PEAK3: variants seen among roughly 807,000 people sequenced by gnomAD.
PEAK3 encodes the protein PEAK family member 3, also known as protein PEAK3.
Under a neutral mutation model 13.3 loss-of-function variants are expected in PEAK3, and 15 were observed. The ratio of observed to expected loss-of-function variants is 1.13; its 90% CI spans 0.75 to 1.73. The LOEUF is 1.73. Ranked by LOEUF, PEAK3 falls within the 40% of genes most tolerant of loss-of-function variation. The pLI is 0.00. For missense variants in PEAK3, 739 were observed against 690.2 expected, an observed-to-expected ratio of 1.07 and a Z score of -0.79; for synonymous variants, 347 against 341.9, an observed-to-expected ratio of 1.01 and a Z score of -0.17.
At chr19:2,277,926 C>T (rs1325117556) in intron 3 of PEAK3, among the ~76,000 whole-genome samples, 3 of 149,468 alleles carry the variant, frequency 2.0e-5, no homozygotes, top group South Asian at 2.1e-4. Flanking sequence ...CGCAGTGGTG[C>T]GTTCTCGGCT....
Position 2,275,788 on chromosome 19 carries a change from C to T in PEAK3, c.1314G>A (p.Arg438=), listed in dbSNP as rs2025379346. The T allele has an allele frequency of 6.4e-7, 1 of 1,569,876 alleles. No homozygotes were observed. The highest frequency in any genetic ancestry group is 8.6e-7 in the Non-Finnish European group (1 of 1,163,472). ...RGLLVLRLAE[R]AAGGEAPSLE... ...GGCTGGGAGCTTCCCCACCTGCGGC[C>T]CGCTCTGCTAGGCGCAGGACCAGCA... The change falls in exon 4 of 4, where the codon CGG becomes CGA. Residue 438 remains arginine, a synonymous_variant. Coordinates refer to ENST00000342063, the MANE Select transcript of PEAK3 (RefSeq NM_198532.3).
chr19:2,276,454 C>G lies in PEAK3; in HGVS notation c.648G>C (p.Trp216Cys), dbSNP rs1401949015. The G allele has an allele frequency of 1.3e-6, 2 of 1,575,076 alleles. No individual in the cohort carries two copies. Among genetic ancestry groups the G allele is most frequent in the Non-Finnish European group, 8.6e-7 (1 of 1,164,594 alleles). Residue 216 changes from tryptophan to cysteine, a missense_variant, in exon 4 of 4, where the codon TGG (tryptophan) becomes TGC (cysteine). Coordinates refer to ENST00000342063, the MANE Select transcript of PEAK3 (RefSeq NM_198532.3). ...PKPGADVPHP[W>C]GLELQASLSP... ...ACAGGGAGGCCTGCAGCTCCAGGCCCCACGGGTGGGGCACGTCCGCCCCGG... is the reference window on the plus strand; with the variant it reads ...ACAGGGAGGCCTGCAGCTCCAGGCCGCACGGGTGGGGCACGTCCGCCCCGG...
rs773451434 is a variant in PEAK3 at position 2,278,168 on chromosome 19, CT to C, written c.612+415del. ...GTGAGCCACTGTGCCCGGCCTTTTT[CT>C]TTTTTTTTTTTTTGAGACGGAGTCT... is the stretch of plus-strand genomic sequence containing the variant. On this transcript the variant is annotated intron_variant, in intron 3 of 3. Coordinates refer to ENST00000342063, the MANE Select transcript of PEAK3 (RefSeq NM_198532.3). Among the ~76,000 whole-genome samples the C allele has an allele frequency of 3.7e-3, 442 of 119,666 alleles. 1 individual carries two copies. Among genetic ancestry groups the C allele is most frequent in the African/African-American group, 6.9e-3 (205 of 29,718 alleles). The allele number at this position is 119,666 out of a possible 152,430, so 78.5% of individuals were successfully genotyped here. A position where few individuals can be genotyped will look rare whatever the true frequency, so the allele number is the denominator to read the frequency against.
Position 2,279,813 on chromosome 19 carries a change from G to A in PEAK3, c.83-700C>T, listed in dbSNP as rs557030594. Among the ~76,000 whole-genome samples, 7 of 150,388 alleles carry A rather than the reference G, an allele frequency of 4.7e-5. No individual in the cohort carries two copies. The South Asian group carries it at 1.5e-3, about 32-fold the overall frequency. On this transcript the variant is annotated intron_variant, in intron 2 of 3. Coordinates refer to ENST00000342063, the MANE Select transcript of PEAK3 (RefSeq NM_198532.3). Reference sequence around the variant, plus strand: ...CGCCCAGCCTGGAGTGCAGTGGCACGATCTCGGCTCACTGCAACCTCCGCC... The same window carrying A: ...CGCCCAGCCTGGAGTGCAGTGGCACAATCTCGGCTCACTGCAACCTCCGCC...
chr19:2,276,298 C>T lies in PEAK3; in HGVS notation c.804G>A (p.Glu268=). 2 of 1,593,018 alleles carry T rather than the reference C, an allele frequency of 1.3e-6. No homozygotes were observed. Among genetic ancestry groups the T allele is most frequent in the Non-Finnish European group, 1.7e-6 (2 of 1,176,680 alleles). The change falls in exon 4 of 4, where the codon GAG becomes GAA. Residue 268 remains glutamate, a synonymous_variant. Transcript: ENST00000342063. ...ACTCCTCCGGCGGCTGCGTGCAGGC[C>T]TCCGCCAGCCACTGCGCCACCGTGC... The part of the protein sequence containing the change: ...PERTVAQWLA[E]ACTQPPEEFV...
Position 2,278,741 on chromosome 19 carries a change from C to A in PEAK3, c.455G>T (p.Arg152Leu). 6.5e-7 allele frequency: 1 copy of A among 1,538,832 alleles called. No homozygotes were observed. The highest frequency in any genetic ancestry group is 8.8e-7 in the Non-Finnish European group (1 of 1,139,644). The change falls in exon 3 of 4, where the codon CGG becomes CTG. Residue 152 changes from arginine (R) to leucine (L), a missense_variant. Coordinates refer to ENST00000342063, the MANE Select transcript of PEAK3 (RefSeq NM_198532.3). ...QLQGLRTIYA[R>L]LRARLMGGHP... ...GCCCCCCATGAGCCGGGCACGGAGCCGGGCATAGATGGTACGGAGGCCCTG... is the reference window on the plus strand; with the variant it reads ...GCCCCCCATGAGCCGGGCACGGAGCAGGGCATAGATGGTACGGAGGCCCTG...
rs1361311764 is a variant in PEAK3, at chr19:2,278,752, G to A, written c.444C>T (p.Thr148=). The A allele has an allele frequency of 6.5e-7, 1 of 1,550,342 alleles. No individual in the cohort carries two copies. Among genetic ancestry groups the A allele is most frequent in the Admixed American group, 2.0e-5 (1 of 51,056 alleles). Residue 148 remains threonine (T), a synonymous_variant, in exon 3 of 4, where the codon ACC becomes ACT. Transcript: ENST00000342063. ...GCCGGGCACGGAGCCGGGCATAGAT[G>A]GTACGGAGGCCCTGCAGCTGCCGCG... The part of the protein sequence containing the change: ...LAARQLQGLR[T]IYARLRARLM...
Position 2,277,811 on chromosome 19 carries a change from C to T in PEAK3, c.612+773G>A, listed in dbSNP as rs372885542. Among the ~76,000 whole-genome samples, 53 of 150,842 alleles carry T rather than the reference C, an allele frequency of 3.5e-4. No homozygotes were observed. The East Asian group carries it at 9.4e-3, about 27-fold the overall frequency. ...CGAACTCCTGACCTCATGATCTGCC[C>T]GCCTTGGCCTTCCAAAGTGCTGAGA... On this transcript the variant is annotated intron_variant, in intron 3 of 3. Coordinates refer to ENST00000342063, the MANE Select transcript of PEAK3 (RefSeq NM_198532.3).
chr19:2,277,210 A>C (rs1480938451), intron 3 of PEAK3, among the ~76,000 whole-genome samples: 1 of 152,028 alleles, frequency 6.6e-6, no homozygotes, highest in Non-Finnish European at 1.5e-5. Context: ...TCCCCACCAA[A>C]TCTCATTCCC....
At position 2,279,000 on chromosome 19, in the gene PEAK3, G is replaced by A. The variant is rs145205195; in HGVS notation, c.196C>T (p.Arg66Trp). 2,529 of 1,578,756 alleles carry A rather than the reference G, an allele frequency of 1.6e-3. 7 individuals carry two copies. The highest frequency in any genetic ancestry group is 3.0e-3 in the Admixed American group (171 of 56,970). The stretch of plus-strand genomic sequence containing the variant: ...CTGCGGGTGGGCAGTGACTGGGTCC[G>A]GGTTAGGATCTTCTTGGGCAGGGGT... ...PPPLPKKILT[R>W]TQSLPTRRTL... The change falls in exon 3 of 4, where the codon CGG (arginine) becomes TGG (tryptophan). Residue 66 changes from arginine to tryptophan, a missense_variant. Arg to Trp is a moderately radical substitution (Grantham distance 101). Transcript: ENST00000342063.
In PEAK3 at chr19:2,279,117, C is replaced by T. The variant is rs767180595; in HGVS notation, c.83-4G>A. On this transcript the variant is annotated splice_polypyrimidine_tract_variant and splice_region_variant and intron_variant, in intron 2 of 3. Transcript: ENST00000342063. ...AGCAGGTGGGCACGGATCTGACCTG[C>T]AGGGAGAGACAGTGGGGGAGGGTTG... is the stretch of plus-strand genomic sequence containing the variant. 14 of 1,428,522 alleles carry T rather than the reference C, an allele frequency of 9.8e-6. No homozygotes were observed. In the Admixed American group the frequency reaches 3.5e-4, roughly 36 times the overall value. 88.5% of individuals were successfully genotyped at this position (1,428,522 alleles called of 1,614,324 possible). A position where few individuals can be genotyped will look rare whatever the true frequency, so the allele number is the denominator to read the frequency against.
chr19:2,276,138 C>T lies in PEAK3; in HGVS notation c.964G>A (p.Gly322Arg), dbSNP rs1048901343. The change falls in exon 4 of 4, where the codon GGG (glycine) becomes AGG (arginine). Residue 322 changes from glycine (G) to arginine (R), a missense_variant. Transcript: ENST00000342063. ...LVAPRGCATTGPPRLLLTDFG... is the reference protein window; with the variant it reads ...LVAPRGCATTRPPRLLLTDFG... ...TCAGTGAGGAGCAGGCGTGGGGGCC[C>T]CGTCGTCGCACAGCCCCGAGGTGCC... The T allele has an allele frequency of 1.9e-6, 3 of 1,541,028 alleles. No homozygotes were observed. The African/African-American group carries it at 4.1e-5, about 21-fold the overall frequency.
At chr19:2,279,550 G>A (rs989422171) in intron 2 of PEAK3, among the ~76,000 whole-genome samples, 3 of 151,842 alleles carry the variant, frequency 2.0e-5, no homozygotes, top group African/African-American at 7.3e-5. Flanking sequence ...CAGCTACTCG[G>A]GAGGCTGAGG....
At chr19:2,278,467 T>C in intron 3 of PEAK3, 117 bp downstream of exon 3, 1 of 1,209,052 alleles carries the variant, frequency 8.3e-7, no homozygotes, top group East Asian at 2.8e-5. Flanking sequence ...GGCTCCAGTA[T>C]TTCTTTACAG....
At chr19:2,279,341 C>T (rs1402326738) in intron 2 of PEAK3, among the ~76,000 whole-genome samples, 2 of 152,118 alleles carry the variant, frequency 1.3e-5, no homozygotes, top group East Asian at 3.9e-4. Flanking sequence ...GAGACCCTGT[C>T]TCTGCAAAAA....
At chr19:2,276,587 C>G (rs1015890376) in intron 3 of PEAK3, 98 bp from the exon 4 acceptor site, 37 of 1,026,360 alleles carry the variant, frequency 3.6e-5, no homozygotes, top group Non-Finnish European at 4.6e-5. Flanking sequence ...CACGCACACC[C>G]CCAAACTGCC....
rs1409009976 is a variant in PEAK3 at position 2,276,255 on chromosome 19, G to A, written c.847C>T (p.Leu283=). 8 of 1,591,078 alleles carry A rather than the reference G, an allele frequency of 5.0e-6. No homozygotes were observed. Among genetic ancestry groups the A allele is most frequent in the South Asian group, 1.1e-5 (1 of 88,990 alleles). ...PPEEFVWAVA[L]LLLQLSAALK... ...GCCGCGCTCAGCTGCAGCAGCAGCA[G>A]GGCCACAGCCCACACGAACTCCTCC... Residue 283 remains leucine (L), a synonymous_variant, in exon 4 of 4, where the codon CTG becomes TTG. Coordinates refer to ENST00000342063, the MANE Select transcript of PEAK3 (RefSeq NM_198532.3).
At chr19:2,277,988 C>A (rs11671102) in intron 3 of PEAK3, among the ~76,000 whole-genome samples, 2 of 150,420 alleles carry the variant, frequency 1.3e-5, no homozygotes, top group African/African-American at 2.4e-5. Flanking sequence ...TTCAGCCTCC[C>A]AAATAGCTGG....
At chr19:2,278,418 C>G (rs949906226) in intron 3 of PEAK3, among the ~76,000 whole-genome samples, 166 bp downstream of exon 3, 2 of 143,574 alleles carry the variant, frequency 1.4e-5, no homozygotes, top group Non-Finnish European at 3.0e-5. Flanking sequence ...GCCTTGGCCT[C>G]CCAAAGTGCT....
Sources: allele counts gnomAD v4.1 joint callset (sites outside exome capture counted in the v4.1 genomes callset), GRCh38; gene constraint gnomAD v4.1.1; transcripts MANE v1.5; gene names NCBI Gene and HGNC (gene_info 2026-07-23, HGNC 2026-07-21).